KIAA1549L: variants seen among roughly 807,000 people sequenced by gnomAD.
The protein encoded by KIAA1549L is UPF0606 protein KIAA1549L.
In KIAA1549L, 88 loss-of-function variants were observed where a neutral mutation model predicts 160.7. The ratio of observed to expected loss-of-function variants is 0.55; its 90% CI spans 0.46 to 0.65. KIAA1549L has a LOEUF of 0.65. KIAA1549L is among the 30% of genes least tolerant of loss of function. The probability of loss-of-function intolerance (pLI) is 0.00; values close to 1 mark genes in which losing one functional copy is unlikely to be tolerated. For synonymous variants in KIAA1549L, 950 were observed against 976.7 expected (o/e 0.97, Z 0.51); for missense variants, 2,258 against 2,437.5 (o/e 0.93, Z 1.55).
intron 12 of KIAA1549L, among the ~76,000 whole-genome samples, chr11:33,598,544 G>A (rs918990851): frequency 6.6e-6 from 1 of 152,266 alleles, no homozygotes; most frequent in Middle Eastern, 3.4e-3. Context: ...TAGTCACGGC[G>A]GGTGGTGGTT....
chr11:33,660,746 C>T, intron 19 of KIAA1549L, 117 bp from the exon 20 acceptor site: 1 of 975,772 alleles, frequency 1.0e-6, no homozygotes, highest in Middle Eastern at 3.1e-4. Context: ...TTTAATGAGA[C>T]TTCAAATCCA....
chr11:33,614,536 A>C (rs1380468290), intron 15 of KIAA1549L, among the ~76,000 whole-genome samples: 1,075 of 4,190 alleles, frequency 0.26, 293 homozygotes, highest in Non-Finnish European at 0.31. Context: ...AACAAGATAT[A>C]TATATATATA....
chr11:33,646,393 A>G (rs1485908324), intron 17 of KIAA1549L, among the ~76,000 whole-genome samples: 1 of 152,224 alleles, frequency 6.6e-6, no homozygotes, highest in Non-Finnish European at 1.5e-5. Flanking sequence ...TCTCAGAGCC[A>G]CATGCTAAGG....
At chr11:33,409,729 A>T (rs1407593989) in intron 1 of KIAA1549L, among the ~76,000 whole-genome samples, 1 of 150,636 alleles carries the variant, frequency 6.6e-6, no homozygotes, top group African/African-American at 2.4e-5. Context: ...TTTAAAATGA[A>T]AACCCTACAG....
intron 1 of KIAA1549L, among the ~76,000 whole-genome samples, chr11:33,410,135 A>G (rs1712374124): frequency 6.6e-6 from 1 of 152,094 alleles, no homozygotes. Context: ...AAACCCTTCA[A>G]TTTTTGGAGA....
At chr11:33,534,953 T>G (rs919963564) in intron 1 of KIAA1549L, among the ~76,000 whole-genome samples, 3 of 152,220 alleles carry the variant, frequency 2.0e-5, no homozygotes, top group Non-Finnish European at 4.4e-5. Context: ...CTTTGTGGCT[T>G]AAAACAACAT....
At chr11:33,592,094 T>C (rs1352159966) in intron 12 of KIAA1549L, among the ~76,000 whole-genome samples, 1 of 152,168 alleles carries the variant, frequency 6.6e-6, no homozygotes, top group African/African-American at 2.4e-5. Context: ...GGGCATCCAG[T>C]CTAAAAAGAG....
rs550392531 is a variant in KIAA1549L, at chr11:33,570,219, G to T, written c.4230+1992G>T. On this transcript the variant is annotated intron_variant, in intron 9 of 20. Coordinates refer to ENST00000658780, the MANE Select transcript of KIAA1549L (RefSeq NM_012194.3). ...GGATTTCACCATGTTGTTCAGGCTG[G>T]TCTCAAACTCCTGACCTCATGATCC... 3.9e-5 allele frequency among the ~76,000 whole-genome samples: 6 copies of T among 152,142 alleles called. No individual in the cohort carries two copies. The South Asian group carries it at 1.2e-3, about 32-fold the overall frequency.
chr11:33,660,731 C>T (rs1852231264), intron 19 of KIAA1549L, 132 bp from the exon 20 acceptor site: 8 of 829,308 alleles, frequency 9.6e-6, no homozygotes, highest in Admixed American at 2.5e-5. Context: ...TCAGCTCAGA[C>T]CTGATTTAAT....
chr11:33,486,154 C>T (rs902821310), intron 1 of KIAA1549L, among the ~76,000 whole-genome samples: 2 of 152,088 alleles, frequency 1.3e-5, no homozygotes, highest in Non-Finnish European at 2.9e-5. Context: ...AAACATCACC[C>T]TATACATGTT....
At chr11:33,495,296 T>G (rs1027412528) in intron 1 of KIAA1549L, among the ~76,000 whole-genome samples, 1 of 141,610 alleles carries the variant, frequency 7.1e-6, no homozygotes, top group Admixed American at 7.4e-5. Flanking sequence ...CCCACAACAG[T>G]CCCCAGAGTG....
intron 1 of KIAA1549L, among the ~76,000 whole-genome samples, chr11:33,454,871 C>T (rs986358053): frequency 5.9e-5 from 9 of 152,082 alleles, no homozygotes; most frequent in African/African-American, 1.9e-4. Context: ...GGGTGGATCA[C>T]GAGGTCAGGA....
At chr11:33,502,634 C>T (rs948890495) in intron 1 of KIAA1549L, among the ~76,000 whole-genome samples, 1 of 152,160 alleles carries the variant, frequency 6.6e-6, no homozygotes, top group Non-Finnish European at 1.5e-5. Context: ...GCCTAATAAA[C>T]AAATGCCAAA....
At chr11:33,448,298 C>A (rs1320879434) in intron 1 of KIAA1549L, among the ~76,000 whole-genome samples, 1 of 152,102 alleles carries the variant, frequency 6.6e-6, no homozygotes, top group Admixed American at 6.5e-5. Flanking sequence ...CTTTGTGCTG[C>A]AGCCATAATA....
intron 10 of KIAA1549L, among the ~76,000 whole-genome samples, chr11:33,581,397 T>TTGTGTG (rs10579855): frequency 0.011 from 1,579 of 149,764 alleles, 31 homozygotes; most frequent in African/African-American, 0.036. Flanking sequence ...TTCTGACAAA[T>TTGTGTG]TGTGTGTGTG....
intron 1 of KIAA1549L, among the ~76,000 whole-genome samples, chr11:33,431,051 G>A (rs1291897565): frequency 6.6e-6 from 1 of 152,168 alleles, no homozygotes; most frequent in East Asian, 1.9e-4. Context: ...GCTGGCTCAG[G>A]AGTGAAGCTG....
Position 33,542,089 on chromosome 11 carries a change from A to C in KIAA1549L, c.526A>C (p.Thr176Pro), listed in dbSNP as rs766546734. 2 of 484,906 alleles carry C rather than the reference A, an allele frequency of 4.1e-6. No homozygotes were observed. Among genetic ancestry groups the C allele is most frequent in the Non-Finnish European group, 8.1e-6 (2 of 246,028 alleles). 30.0% of individuals were successfully genotyped at this position (484,906 alleles called of 1,614,324 possible). A position where few individuals can be genotyped will look rare whatever the true frequency, so the allele number is the denominator to read the frequency against. The change falls in exon 2 of 21, where the codon ACC (threonine) becomes CCC (proline). Residue 176 changes from threonine to proline, a missense_variant. Physicochemically the swap from Thr to Pro is conservative, Grantham distance 38 (BLOSUM62 -1). Coordinates refer to ENST00000658780, the MANE Select transcript of KIAA1549L (RefSeq NM_012194.3). ...SASLEPSKDS[T>P]ESLVQPGPKG... ...CTCCCTCGAACCTTCCAAGGATTCT[A>C]CCGAGTCCCTGGTCCAACCGGGGCC...
chr11:33,610,402 G>C (rs764026366), intron 15 of KIAA1549L, among the ~76,000 whole-genome samples: 47 of 152,288 alleles, frequency 3.1e-4, no homozygotes, highest in Non-Finnish European at 5.4e-4. Flanking sequence ...GGTGCTCAGA[G>C]CTCCATGCTG....
intron 1 of KIAA1549L, among the ~76,000 whole-genome samples, chr11:33,439,916 T>A (rs1851461065): frequency 6.6e-6 from 1 of 152,104 alleles, no homozygotes; most frequent in Admixed American, 6.6e-5. Context: ...TATAGCTAGC[T>A]TATTTCTTTT....
Sources: allele counts gnomAD v4.1 joint callset (sites outside exome capture counted in the v4.1 genomes callset), GRCh38; gene constraint gnomAD v4.1.1; transcripts MANE v1.5; gene names NCBI Gene and HGNC (gene_info 2026-07-23, HGNC 2026-07-21).